Variants in GAREM1 observed in about 807,000 individuals in gnomAD.
GAREM1 encodes GRB2 associated regulator of MAPK1 subtype 1, also known as GRB2-associated and regulator of MAPK protein 1.
Under a neutral mutation model 71.3 loss-of-function variants are expected in GAREM1, and 26 were observed. The observed-to-expected ratio is 0.36, with a 90% CI of 0.27 to 0.51. The LOEUF is 0.51. Ranked by LOEUF, GAREM1 falls within the 20% of genes least tolerant of loss-of-function variation. The probability of loss-of-function intolerance (pLI) is 0.95; values close to 1 mark genes in which losing one functional copy is unlikely to be tolerated. For missense variants in GAREM1, 1,026 were observed against 1,103.1 expected, an observed-to-expected ratio of 0.93 and a Z score of 0.99; for synonymous variants, 440 against 433.2, an observed-to-expected ratio of 1.02 and a Z score of -0.20.
chr18:32,320,734 G>T (rs667604), intron 2 of GAREM1, among the ~76,000 whole-genome samples: 13,502 of 152,060 alleles, frequency 0.089, 658 homozygotes, highest in South Asian at 0.12. Flanking sequence ...AACCATTCTG[G>T]GATCTATGTT....
intron 1 of GAREM1, among the ~76,000 whole-genome samples, chr18:32,436,917 T>C (rs8093807): frequency 0.22 from 32,948 of 152,034 alleles, 4,216 homozygotes; most frequent in East Asian, 0.39. Context: ...CAAGCCTTAT[T>C]TTTTGAGTCA....
chr18:32,338,613 G>A (rs1217037935), intron 2 of GAREM1, among the ~76,000 whole-genome samples: 1 of 152,170 alleles, frequency 6.6e-6, no homozygotes, highest in Non-Finnish European at 1.5e-5. Flanking sequence ...AATGGCCTTT[G>A]GTTCTTTAAG....
chr18:32,291,384 C>T (rs1243235025), intron 3 of GAREM1, among the ~76,000 whole-genome samples: 1 of 149,934 alleles, frequency 6.7e-6, no homozygotes, highest in Non-Finnish European at 1.5e-5. Context: ...TGGTTACTTA[C>T]TGGAGCTAGG....
intron 3 of GAREM1, among the ~76,000 whole-genome samples, chr18:32,305,885 T>C (rs2047250042): frequency 6.6e-6 from 1 of 152,176 alleles, no homozygotes; most frequent in Non-Finnish European, 1.5e-5. Flanking sequence ...CATCAACACC[T>C]TTGCTGATCT....
chr18:32,358,546 C>G (rs1450800630), intron 2 of GAREM1, among the ~76,000 whole-genome samples: 1 of 152,076 alleles, frequency 6.6e-6, no homozygotes, highest in Non-Finnish European at 1.5e-5. Flanking sequence ...CTGTGAAAAC[C>G]ATTTCCCTCA....
chr18:32,364,992 G>A (rs2047916128), intron 2 of GAREM1, among the ~76,000 whole-genome samples: 1 of 152,132 alleles, frequency 6.6e-6, no homozygotes, highest in South Asian at 2.1e-4. Flanking sequence ...TCTTCAGAGT[G>A]TAAATCACAG....
At chr18:32,374,432 T>TA (rs1163059420) in intron 2 of GAREM1, among the ~76,000 whole-genome samples, 1 of 152,232 alleles carries the variant, frequency 6.6e-6, no homozygotes, top group Admixed American at 6.5e-5. Flanking sequence ...TGTGCCCCTA[T>TA]GAGAATGTTC....
chr18:32,359,993 C>T (rs1401998974), intron 2 of GAREM1, among the ~76,000 whole-genome samples: 1 of 151,702 alleles, frequency 6.6e-6, no homozygotes, highest in African/African-American at 2.4e-5. Context: ...TCTATCTATA[C>T]AATGTACAAA....
chr18:32,424,779 A>G lies in GAREM1; in HGVS notation c.122-31744T>C, dbSNP rs76911361. 0.013 allele frequency among the ~76,000 whole-genome samples: 1,969 copies of G among 152,290 alleles called. 140 individuals carry two copies. In the East Asian group the frequency reaches 0.2, roughly 16 times the overall value. On this transcript the variant is annotated intron_variant, in intron 1 of 5. Coordinates refer to ENST00000269209, the MANE Select transcript of GAREM1 (RefSeq NM_001242409.2). ...AGAACTTGTAAACATCAGATGTTTT[A>G]CTCACTTTCCTTTGTGAAACATCCT...
At chr18:32,317,865 GC>G (rs1323263625) in intron 2 of GAREM1, among the ~76,000 whole-genome samples, 9 of 152,120 alleles carry the variant, frequency 5.9e-5, no homozygotes, top group Non-Finnish European at 8.8e-5. Context: ...CCAGTTTCCT[GC>G]CAAAAGTGAA....
intron 2 of GAREM1, among the ~76,000 whole-genome samples, chr18:32,389,445 T>C (rs1366239540): frequency 1.3e-5 from 2 of 152,182 alleles, no homozygotes; most frequent in Admixed American, 6.5e-5. Flanking sequence ...ATCTTCACTT[T>C]ATAGATGAGG....
intron 2 of GAREM1, among the ~76,000 whole-genome samples, chr18:32,391,951 T>C (rs559327568): frequency 1.3e-4 from 20 of 152,322 alleles, no homozygotes; most frequent in Non-Finnish European, 1.9e-4. Context: ...CATTAAATAT[T>C]CATCAAACAA....
chr18:32,325,442 A>G (rs2047465433), intron 2 of GAREM1, among the ~76,000 whole-genome samples: 1 of 152,186 alleles, frequency 6.6e-6, no homozygotes, highest in Admixed American at 6.5e-5. Flanking sequence ...CAGGATGTTA[A>G]TGGTGGAGGC....
intron 3 of GAREM1, among the ~76,000 whole-genome samples, chr18:32,307,848 G>A (rs1286637095): frequency 6.6e-6 from 1 of 152,172 alleles, no homozygotes; most frequent in Non-Finnish European, 1.5e-5. Context: ...TTTAATTGAA[G>A]AAGACCATGA....
intron 2 of GAREM1, among the ~76,000 whole-genome samples, chr18:32,344,930 C>T (rs956802108): frequency 1.8e-4 from 28 of 152,042 alleles, no homozygotes; most frequent in African/African-American, 5.3e-4. Flanking sequence ...GGCATGGTGG[C>T]GCATGCCTGT....
At chr18:32,295,333 A>G (rs1328980050) in intron 3 of GAREM1, among the ~76,000 whole-genome samples, 1 of 152,216 alleles carries the variant, frequency 6.6e-6, no homozygotes, top group African/African-American at 2.4e-5. Flanking sequence ...ACATGATCAT[A>G]GTACACTTAA....
At chr18:32,387,876 C>T (rs976574346) in intron 2 of GAREM1, among the ~76,000 whole-genome samples, 11 of 152,146 alleles carry the variant, frequency 7.2e-5, no homozygotes, top group African/African-American at 2.4e-4. Context: ...ATCTTTAAAA[C>T]GCTGAGTTTT....
intron 2 of GAREM1, among the ~76,000 whole-genome samples, chr18:32,330,871 C>T (rs185656030): frequency 3.4e-4 from 52 of 152,238 alleles, no homozygotes; most frequent in Admixed American, 2.5e-3. Context: ...TTTTGAGGGT[C>T]TTACAGCCAA....
At position 32,267,193 on chromosome 18, in the gene GAREM1, T is replaced by C. The variant is rs1360023146; in HGVS notation, c.*678A>G. ...TTGTGTATGCACCTATACATGTTTATATATGTATATTCTTTTTTCTCTGCT... is the reference window on the plus strand; with the variant it reads ...TTGTGTATGCACCTATACATGTTTACATATGTATATTCTTTTTTCTCTGCT... On this transcript the variant is annotated 3_prime_UTR_variant, in exon 6 of 6. Coordinates refer to ENST00000269209, the MANE Select transcript of GAREM1 (RefSeq NM_001242409.2). 1 of 152,246 alleles carries C rather than the reference T, an allele frequency of 6.6e-6. No individual in the cohort carries two copies. The highest frequency in any genetic ancestry group is 1.9e-4 in the East Asian group (1 of 5,198). 9.4% of individuals were successfully genotyped at this position (152,246 alleles called of 1,614,324 possible).
Sources: gnomAD v4.1 joint callset for allele counts (sites outside exome capture counted in the v4.1 genomes callset) on GRCh38, gnomAD v4.1.1 for gene constraint, MANE v1.5 for transcripts, NCBI Gene and HGNC (gene_info 2026-07-23, HGNC 2026-07-21) for gene names.